The following PARP14 variants were observed in gnomAD, a reference collection of about 807,000 sequenced individuals.
The protein encoded by PARP14 is protein mono-ADP-ribosyltransferase PARP14.
Under a neutral mutation model 154.2 loss-of-function variants are expected in PARP14, and 59 were observed. The observed-to-expected ratio is 0.38, with a 90% CI of 0.31 to 0.48. The LOEUF is 0.48. Among genes scored for constraint, PARP14 ranks in the 20% least tolerant of loss-of-function variants. The probability of loss-of-function intolerance (pLI) is 0.98; values close to 1 mark genes in which losing one functional copy is unlikely to be tolerated. For missense variants in PARP14, 1,734 were observed against 2,131.6 expected, an observed-to-expected ratio of 0.81 and a Z score of 3.67; for synonymous variants, 720 against 780.5, an observed-to-expected ratio of 0.92 and a Z score of 1.29.
Position 122,730,069 on chromosome 3 carries a change from T to C in PARP14, c.*1472T>C, listed in dbSNP as rs1933388429. ...AAAATAGGTGCTTTCATACACATTG[T>C]CTCAATTCCTGTGAGGTCAGAATTA... On this transcript the variant is annotated 3_prime_UTR_variant, in exon 17 of 17. Coordinates refer to ENST00000474629, the MANE Select transcript of PARP14 (RefSeq NM_017554.3). 6.6e-6 allele frequency: 1 copy of C among 152,184 alleles called. No homozygotes were observed. The highest frequency in any genetic ancestry group is 2.4e-5 in the African/African-American group (1 of 41,434). 9.4% of individuals were successfully genotyped at this position (152,184 alleles called of 1,614,324 possible).
At chr3:122,685,706 C>T (rs939121888) in intron 2 of PARP14, among the ~76,000 whole-genome samples, 5 of 151,998 alleles carry the variant, frequency 3.3e-5, no homozygotes, top group African/African-American at 7.3e-5. Context: ...GACGGGGTTT[C>T]ACCATATTGG....
rs142849110 is a variant in PARP14, at chr3:122,721,443, C to T, written c.4941+1055C>T. The T allele has an allele frequency of 3.3e-3, 498 of 152,848 alleles. 1 individual carries two copies. The highest frequency in any genetic ancestry group is 5.7e-3 in the Non-Finnish European group (390 of 68,506). The allele number at this position is 152,848 out of a possible 1,614,324, so 9.5% of individuals were successfully genotyped here. ...CTCTACTAAAACTACAAAAATTAGCCGGGCATGTTGGCAGGTGCCTATAAT... is the reference window on the plus strand; with the variant it reads ...CTCTACTAAAACTACAAAAATTAGCTGGGCATGTTGGCAGGTGCCTATAAT... On this transcript the variant is annotated intron_variant, in intron 15 of 16. Transcript: ENST00000474629.
chr3:122,696,751 T>C (rs990037093), intron 5 of PARP14, among the ~76,000 whole-genome samples: 13 of 152,158 alleles, frequency 8.5e-5, no homozygotes, highest in Admixed American at 6.5e-4. Context: ...TACTATTTAA[T>C]TAAGGTTTAT....
intron 15 of PARP14, chr3:122,722,763 T>G (rs1232209172): frequency 6.6e-6 from 1 of 152,174 alleles, no homozygotes; most frequent in Non-Finnish European, 1.5e-5. Context: ...CCACTTTTGC[T>G]TTCTCTCCCT....
intron 5 of PARP14, among the ~76,000 whole-genome samples, chr3:122,698,351 A>G (rs532177875): frequency 1.3e-5 from 2 of 152,380 alleles, no homozygotes; most frequent in South Asian, 2.1e-4. Flanking sequence ...GCTCTGCTTA[A>G]TAACTTACAC....
rs749627565 is a variant in PARP14, at chr3:122,720,507, T to C, written c.4941+119T>C. 6.0e-5 allele frequency: 54 copies of C among 905,908 alleles called. 1 individual carries two copies. The highest frequency in any genetic ancestry group is 8.8e-5 in the Non-Finnish European group (50 of 568,240). The allele number at this position is 905,908 out of a possible 1,614,324, so 56.1% of individuals were successfully genotyped here. On this transcript the variant is annotated intron_variant, in intron 15 of 16. Coordinates refer to ENST00000474629, the MANE Select transcript of PARP14 (RefSeq NM_017554.3). ...TTTTTTTAAACCCAGAATTAGAATTTGTATGGTAATTAGTAGTTCTAGATT... is the reference window on the plus strand; with the variant it reads ...TTTTTTTAAACCCAGAATTAGAATTCGTATGGTAATTAGTAGTTCTAGATT...
At chr3:122,682,737 C>T (rs1449144142) in intron 1 of PARP14, among the ~76,000 whole-genome samples, 1 of 152,072 alleles carries the variant, frequency 6.6e-6, no homozygotes, top group Non-Finnish European at 1.5e-5. Context: ...CCCCCCAGCA[C>T]AGATGACCCA....
Position 122,700,369 on chromosome 3 carries a change from C to G in PARP14, c.1815C>G (p.Asn605Lys), listed in dbSNP as rs1423792675. 1 of 1,613,872 alleles carries G rather than the reference C, an allele frequency of 6.2e-7. No homozygotes were observed. The highest frequency in any genetic ancestry group is 1.1e-5 in the South Asian group (1 of 91,070). The change falls in exon 6 of 17, where the codon AAC becomes AAG. Residue 605 changes from asparagine to lysine, a missense_variant. Physicochemically the swap from Asn to Lys is moderately conservative, Grantham distance 94. Around this residue, in one of 2 missense-constraint regions of PARP14, gnomAD observed 1,646 missense variants for 1,976.0 expected, o/e 0.83. Transcript: ENST00000474629. Reference protein sequence around the residue: ...ALNYKRIEVENKEVLHGKKWK... With the variant: ...ALNYKRIEVEKKEVLHGKKWK... ...ATTATAAGCGCATTGAAGTTGAGAACAAAGAAGTTCTTCATGGCAAGAAAT... is the reference window on the plus strand; with the variant it reads ...ATTATAAGCGCATTGAAGTTGAGAAGAAAGAAGTTCTTCATGGCAAGAAAT...
In PARP14 at chr3:122,718,487, C is replaced by T. The variant is rs887030271; in HGVS notation, c.4336C>T (p.Leu1446=). ...VTCVEYAISW[L]QDLIEKEQCP... ...GTGTGTGGAATATGCTATCTCCTGG[C>T]TACAAGACCTGATTGAAAAAGAACA... The change falls in exon 14 of 17, where the codon CTA becomes TTA. Residue 1446 remains leucine, a synonymous_variant. Transcript: ENST00000474629. 4 of 1,613,796 alleles carry T rather than the reference C, an allele frequency of 2.5e-6. No individual in the cohort carries two copies. In the African/African-American group the frequency reaches 5.3e-5, roughly 22 times the overall value.
intron 4 of PARP14, among the ~76,000 whole-genome samples, 175 bp downstream of exon 4, chr3:122,692,718 C>A (rs1938580915): frequency 6.6e-6 from 1 of 152,102 alleles, no homozygotes; most frequent in Admixed American, 6.6e-5. Context: ...CATATTGAAA[C>A]CAAATTCCAT....
At chr3:122,714,466 C>G (rs769476576) in intron 12 of PARP14, 37 bp downstream of exon 12, 1 of 1,486,824 alleles carries the variant, frequency 6.7e-7, no homozygotes. Context: ...AAATCCCAAG[C>G]CATCTACTTT....
At position 122,695,540 on chromosome 3, in the gene PARP14, G is replaced by T. The variant is rs1242171075; in HGVS notation, c.713G>T (p.Gly238Val). Reference sequence around the variant, plus strand: ...ATCAGGGTTGAAAACCTGCCACCTGGTGCTGATGACTACAGTTTAAAACTT... The same window carrying T: ...ATCAGGGTTGAAAACCTGCCACCTGTTGCTGATGACTACAGTTTAAAACTT... ...NTIRVENLPP[G>V]ADDYSLKLFF... Residue 238 changes from glycine to valine, a missense_variant, in exon 5 of 17, where the codon GGT becomes GTT. This residue lies in a region of PARP14 where 1,646 missense variants were observed against 1,976.0 expected (regional missense o/e 0.83). Coordinates refer to ENST00000474629, the MANE Select transcript of PARP14 (RefSeq NM_017554.3). 1 of 1,608,620 alleles carries T rather than the reference G, an allele frequency of 6.2e-7. No individual in the cohort carries two copies.
chr3:122,698,654 TG>T (rs1260978921), intron 5 of PARP14, among the ~76,000 whole-genome samples: 1 of 152,196 alleles, frequency 6.6e-6, no homozygotes, highest in Non-Finnish European at 1.5e-5. Flanking sequence ...TTTAGTAGGA[TG>T]ATAATAATAA....
chr3:122,727,761 T>C (rs1933324152), intron 15 of PARP14, 51 bp from the exon 16 acceptor site: 1 of 1,165,842 alleles, frequency 8.6e-7, no homozygotes. Context: ...TTGCTGTATA[T>C]TGGCAAGTGC....
At chr3:122,713,790 G>A in intron 10 of PARP14, 82 bp from the exon 11 acceptor site, 1 of 1,022,344 alleles carries the variant, frequency 9.8e-7, no homozygotes, top group Non-Finnish European at 1.6e-6. Context: ...GATGGAGAAT[G>A]CATTCAGATA....
chr3:122,685,989 G>A (rs1169360542), intron 2 of PARP14, among the ~76,000 whole-genome samples: 2 of 152,046 alleles, frequency 1.3e-5, no homozygotes, highest in Admixed American at 6.6e-5. Context: ...CATACTACCT[G>A]TATTAAGTAT....
Position 122,703,854 on chromosome 3 carries a change from T to C in PARP14, c.3194T>C (p.Val1065Ala), listed in dbSNP as rs780710088. The change falls in exon 7 of 17, where the codon GTT (valine) becomes GCT (alanine). Residue 1065 changes from valine (V) to alanine (A), a missense_variant. Val to Ala is a moderately conservative substitution (Grantham distance 64). Coordinates refer to ENST00000474629, the MANE Select transcript of PARP14 (RefSeq NM_017554.3). Reference sequence around the variant, plus strand: ...GAGCTCCAGGAGGAATTGGACACAGTTGGACAAGGGGTGGCTGTCAGCATG... The same window carrying C: ...GAGCTCCAGGAGGAATTGGACACAGCTGGACAAGGGGTGGCTGTCAGCATG... The part of the protein sequence containing the change: ...GPELQEELDT[V>A]GQGVAVSMGT... 6 of 1,613,850 alleles carry C rather than the reference T, an allele frequency of 3.7e-6. No homozygotes were observed. Among genetic ancestry groups the C allele is most frequent in the Admixed American group, 3.3e-5 (2 of 59,994 alleles).
chr3:122,699,602 C>A lies in PARP14; in HGVS notation c.1048C>A (p.Arg350Ser), dbSNP rs753484618. The A allele has an allele frequency of 6.2e-7, 1 of 1,613,724 alleles. No individual in the cohort carries two copies. Among genetic ancestry groups the A allele is most frequent in the Admixed American group, 1.7e-5 (1 of 60,016 alleles). The change falls in exon 6 of 17, where the codon CGT becomes AGT. Residue 350 changes from arginine to serine, a missense_variant. This residue lies in a region of PARP14 where 1,646 missense variants were observed against 1,976.0 expected (regional missense o/e 0.83). Coordinates refer to ENST00000474629, the MANE Select transcript of PARP14 (RefSeq NM_017554.3). ...TGAGGAGATAAACGATGAAATGAGGCGTTGTCACTGTGAGCTCACGTGGTC... is the reference window on the plus strand; with the variant it reads ...TGAGGAGATAAACGATGAAATGAGGAGTTGTCACTGTGAGCTCACGTGGTC... ...LIEEINDEMR[R>S]CHCELTWSQL...
Position 122,700,160 on chromosome 3 carries a change from A to C in PARP14, c.1606A>C (p.Ile536Leu). The C allele has an allele frequency of 6.2e-7, 1 of 1,613,396 alleles. No individual in the cohort carries two copies. The highest frequency in any genetic ancestry group is 8.5e-7 in the Non-Finnish European group (1 of 1,179,544). ...GGTGTACACCATGGCTCAGAAAAAC[A>C]TTCAGGTTTCTCCTGAGATTTTTCA... ...EKVYTMAQKN[I>L]QVSPEIFQFL... is the part of the protein sequence containing the mutation. Residue 536 changes from isoleucine (I) to leucine (L), a missense_variant, in exon 6 of 17, where the codon ATT becomes CTT. Around this residue, in one of 2 missense-constraint regions of PARP14, gnomAD observed 1,646 missense variants for 1,976.0 expected, o/e 0.83. Transcript: ENST00000474629.
Sources: allele counts gnomAD v4.1 joint callset (sites outside exome capture counted in the v4.1 genomes callset), GRCh38; gene constraint gnomAD v4.1.1; regional missense constraint gnomAD v4.1.1; transcripts MANE v1.5; gene names NCBI Gene and HGNC (gene_info 2026-07-23, HGNC 2026-07-21).